The following ASH2L variants were observed in gnomAD, a reference collection of about 807,000 sequenced individuals.
ASH2L encodes the protein set1/Ash2 histone methyltransferase complex subunit ASH2.
Under a neutral mutation model 81.1 loss-of-function variants are expected in ASH2L, and 30 were observed. The observed-to-expected ratio is 0.37, with a 90% CI of 0.28 to 0.50. The LOEUF (loss-of-function observed/expected upper bound fraction) is 0.50. Among genes scored for constraint, ASH2L ranks in the 20% least tolerant of loss-of-function variants. The probability of loss-of-function intolerance (pLI) is 0.95; values close to 1 mark genes in which losing one functional copy is unlikely to be tolerated. For synonymous variants in ASH2L, 273 were observed against 279.9 expected (o/e 0.98, Z 0.24); for missense variants, 559 against 792.1 (o/e 0.71, Z 3.53).
chr8:38,105,961 T>C, intron 1 of ASH2L: 1 of 1,523,288 alleles, frequency 6.6e-7, no homozygotes, highest in East Asian at 2.5e-5. Context: ...CCTGTCGTTA[T>C]CTCTGATCCT....
chr8:38,107,236 T>C, intron 3 of ASH2L, 70 bp downstream of exon 3: 3 of 1,588,348 alleles, frequency 1.9e-6, no homozygotes, highest in African/African-American at 2.7e-5. Flanking sequence ...AACAGTTACT[T>C]TGTGGGCAAA....
chr8:38,139,225 C>T lies in ASH2L; in HGVS notation c.*154C>T. 1 of 599,940 alleles carries T rather than the reference C, an allele frequency of 1.7e-6. No homozygotes were observed. The allele number at this position is 599,940 out of a possible 1,614,324, so 37.2% of individuals were successfully genotyped here. A position where few individuals can be genotyped will look rare whatever the true frequency, so the allele number is the denominator to read the frequency against. ...GGCTGGGTAGGACTGCGGGAGACTGCCTGCCTTTCACCATTTTCTCCCCAC... is the reference window on the plus strand; with the variant it reads ...GGCTGGGTAGGACTGCGGGAGACTGTCTGCCTTTCACCATTTTCTCCCCAC... On this transcript the variant is annotated 3_prime_UTR_variant, in exon 16 of 16. Transcript: ENST00000343823.
chr8:38,125,233 T>C (rs983138785), intron 10 of ASH2L, among the ~76,000 whole-genome samples: 5 of 152,216 alleles, frequency 3.3e-5, no homozygotes, highest in Admixed American at 2.0e-4. Flanking sequence ...TTTTGCCATG[T>C]TTGCTTTATC....
At chr8:38,106,506 C>CA in intron 2 of ASH2L, 62 bp downstream of exon 2, 1 of 966,528 alleles carries the variant, frequency 1.0e-6, no homozygotes, top group Non-Finnish European at 1.5e-6. Flanking sequence ...TCTTCTTCTT[C>CA]TTTTTTTTTT....
rs1017004786 is a variant in ASH2L at position 38,139,929 on chromosome 8, C to T, written c.*858C>T. ...AGAGTTTAAAAGGGCTAATGATCTC[C>T]CTCCCGGTCTTCCCTTGGAACATGG... is the stretch of plus-strand genomic sequence containing the variant. On this transcript the variant is annotated 3_prime_UTR_variant, in exon 16 of 16. Transcript: ENST00000343823. 3.9e-5 allele frequency: 6 copies of T among 152,130 alleles called. No individual in the cohort carries two copies. The highest frequency in any genetic ancestry group is 1.5e-5 in the Non-Finnish European group (1 of 68,060). 9.4% of individuals were successfully genotyped at this position (152,130 alleles called of 1,614,324 possible). A position where few individuals can be genotyped will look rare whatever the true frequency, so the allele number is the denominator to read the frequency against.
In ASH2L at chr8:38,135,713, G is replaced by C. The variant is rs769885517; in HGVS notation, c.1666G>C (p.Asp556His). 2 of 1,612,970 alleles carry C rather than the reference G, an allele frequency of 1.2e-6. No individual in the cohort carries two copies. Among genetic ancestry groups the C allele is most frequent in the African/African-American group, 2.7e-5 (2 of 74,846 alleles). The change falls in exon 14 of 16, where the codon GAT (aspartate) becomes CAT (histidine). Residue 556 changes from aspartate to histidine, a missense_variant. Physicochemically the swap from Asp to His is moderately conservative, Grantham distance 81 (BLOSUM62 -1). Around this residue, in one of 4 missense-constraint regions of ASH2L, gnomAD observed 95 missense variants for 130.7 expected, o/e 0.73. Coordinates refer to ENST00000343823, the MANE Select transcript of ASH2L (RefSeq NM_004674.5). ...TGTCAATCAAGGTGTGGCTTACAAAGATATTTTTGAGGGGGTTTACTTCCC... is the reference window on the plus strand; with the variant it reads ...TGTCAATCAAGGTGTGGCTTACAAACATATTTTTGAGGGGGTTTACTTCCC... ...NGVNQGVAYKDIFEGVYFPAI... is the reference protein window; with the variant it reads ...NGVNQGVAYKHIFEGVYFPAI...
chr8:38,130,227 C>CTTTTT (rs71216650), intron 12 of ASH2L, among the ~76,000 whole-genome samples: 45 of 86,138 alleles, frequency 5.2e-4, no homozygotes, highest in East Asian at 6.5e-4. Flanking sequence ...CTTCTCTGTT[C>CTTTTT]TTTTTTTTTT....
chr8:38,119,500 G>T, intron 9 of ASH2L, 137 bp downstream of exon 9: 2 of 696,562 alleles, frequency 2.9e-6, no homozygotes, highest in South Asian at 2.3e-5. Flanking sequence ...AGCACTTTGA[G>T]GGACAAAATA....
intron 5 of ASH2L, 79 bp downstream of exon 5, chr8:38,110,912 T>G: frequency 9.4e-6 from 11 of 1,174,160 alleles, no homozygotes; most frequent in Non-Finnish European, 1.4e-5. Flanking sequence ...AACAAGTACT[T>G]TCTTCCCAGT....
chr8:38,110,335 G>A (rs1447872288), intron 3 of ASH2L, 44 bp from the exon 4 acceptor site: 4 of 1,412,720 alleles, frequency 2.8e-6, no homozygotes, highest in East Asian at 2.3e-5. Context: ...AGAAGTGTGT[G>A]TGTTCACAAG....
intron 12 of ASH2L, among the ~76,000 whole-genome samples, chr8:38,130,287 T>G (rs1242726833): frequency 6.7e-6 from 1 of 149,272 alleles, no homozygotes; most frequent in Non-Finnish European, 1.5e-5. Context: ...TGGTATTTTT[T>G]GTTTTTTTTT....
Position 38,128,371 on chromosome 8 carries a change from G to GT in ASH2L, c.1247dup (p.Arg417ThrfsTer8). On this transcript the variant is annotated frameshift_variant, in exon 11 of 16. Transcript: ENST00000343823. LOFTEE classifies it high-confidence loss of function. ...CTCTATGGTGAGGGCCTCTCATGGA[G>GT]TACGGAAAGGTGCCTGGTATTTTGA... 2 of 1,614,162 alleles carry GT rather than the reference G, an allele frequency of 1.2e-6. No homozygotes were observed. The highest frequency in any genetic ancestry group is 1.7e-6 in the Non-Finnish European group (2 of 1,180,018).
At chr8:38,130,915 TC>T (rs1563260767) in intron 12 of ASH2L, among the ~76,000 whole-genome samples, 2 of 152,236 alleles carry the variant, frequency 1.3e-5, no homozygotes, top group African/African-American at 4.8e-5. Context: ...TCATTTTTTT[TC>T]CATATGATTA....
intron 8 of ASH2L, among the ~76,000 whole-genome samples, chr8:38,118,025 C>G (rs958464665): frequency 1.1e-4 from 17 of 152,220 alleles, no homozygotes; most frequent in African/African-American, 3.9e-4. Flanking sequence ...TGCCACTGCA[C>G]TCCAGCTTGG....
chr8:38,129,779 A>G (rs922300804), intron 12 of ASH2L, among the ~76,000 whole-genome samples: 1 of 151,938 alleles, frequency 6.6e-6, no homozygotes, highest in African/African-American at 2.4e-5. Flanking sequence ...AGACTCATCC[A>G]TTTTGCTGCA....
chr8:38,137,792 T>C (rs1419746094), intron 14 of ASH2L: 1 of 114,982 alleles, frequency 8.7e-6, no homozygotes, highest in Non-Finnish European at 2.0e-5. Context: ...GTAGGCACCA[T>C]TGAAGCAGGT....
chr8:38,136,154 T>C (rs905496859), intron 14 of ASH2L, among the ~76,000 whole-genome samples: 1 of 141,274 alleles, frequency 7.1e-6, no homozygotes, highest in African/African-American at 2.7e-5. Context: ...CTCTGTTGCA[T>C]AGGCTCACCA....
At chr8:38,126,853 C>CAAAAAAAAAAAAA (rs57920604) in intron 10 of ASH2L, among the ~76,000 whole-genome samples, 5 of 129,762 alleles carry the variant, frequency 3.9e-5, no homozygotes, top group African/African-American at 8.8e-5. Flanking sequence ...GACTCTGTCT[C>CAAAAAAAAAAAAA]AAAAAAGAAA....
chr8:38,107,551 CT>C (rs1810493754), intron 3 of ASH2L, among the ~76,000 whole-genome samples: 4 of 152,170 alleles, frequency 2.6e-5, no homozygotes, highest in African/African-American at 9.7e-5. Flanking sequence ...ATGACCCATG[CT>C]CTTTATGCCT....
Sources: allele counts gnomAD v4.1 joint callset (sites outside exome capture counted in the v4.1 genomes callset), GRCh38; gene constraint gnomAD v4.1.1; regional missense constraint gnomAD v4.1.1; transcripts MANE v1.5; gene names NCBI Gene and HGNC (gene_info 2026-07-23, HGNC 2026-07-21).